The following DLGAP1 variants were observed in gnomAD, a reference collection of about 807,000 sequenced individuals.
DLGAP1 encodes DLG associated protein 1.
Under a neutral mutation model 90.8 loss-of-function variants are expected in DLGAP1, and 11 were observed. The observed-to-expected ratio is 0.12, with a 90% CI of 0.08 to 0.20. The LOEUF is 0.20. Among genes scored for constraint, DLGAP1 ranks in the 10% least tolerant of loss-of-function variants. The pLI, the probability that DLGAP1 is intolerant of heterozygous loss-of-function variation, is 1.00. For synonymous variants in DLGAP1, 558 were observed against 540.7 expected (o/e 1.03, Z -0.44); for missense variants, 1,050 against 1,333.8 (o/e 0.79, Z 3.31).
rs71358031 is a variant in DLGAP1 at position 3,912,033 on chromosome 18, C to A, written c.-72-31893G>T. Among the ~76,000 whole-genome samples, 1,420 of 152,280 alleles carry A rather than the reference C, an allele frequency of 9.3e-3. 8 individuals carry two copies. Among genetic ancestry groups the A allele is most frequent in the Non-Finnish European group, 0.015 (1,054 of 68,026 alleles). ...ATTGTGTTTTAGTAAGCGCTTCAGGCTGATATGTGCTGAAGTTTTGAAACT... is the reference window on the plus strand; with the variant it reads ...ATTGTGTTTTAGTAAGCGCTTCAGGATGATATGTGCTGAAGTTTTGAAACT... On this transcript the variant is annotated intron_variant, in intron 3 of 12. Transcript: ENST00000315677.
At chr18:4,370,152 A>C (rs547947657) in intron 1 of DLGAP1, among the ~76,000 whole-genome samples, 1 of 152,334 alleles carries the variant, frequency 6.6e-6, no homozygotes, top group East Asian at 1.9e-4. Context: ...CAAAAAATTC[A>C]GGTCCTGCTG....
chr18:3,904,982 AT>A (rs958711550), intron 3 of DLGAP1, among the ~76,000 whole-genome samples: 10 of 147,882 alleles, frequency 6.8e-5, no homozygotes, highest in Admixed American at 1.3e-4. Flanking sequence ...CCTATTATTC[AT>A]TATTATTATT....
chr18:3,614,916 T>C (rs2057790182), intron 7 of DLGAP1, among the ~76,000 whole-genome samples: 1 of 151,902 alleles, frequency 6.6e-6, no homozygotes, highest in East Asian at 1.9e-4. Context: ...AATTTATTTT[T>C]ATTTTATTTA....
intron 1 of DLGAP1, among the ~76,000 whole-genome samples, chr18:4,253,874 A>G (rs2078832188): frequency 6.6e-6 from 1 of 152,172 alleles, no homozygotes; most frequent in South Asian, 2.1e-4. Context: ...AATTCCAGTG[A>G]TTCCCTGATT....
At chr18:4,220,899 A>G (rs150945592) in intron 1 of DLGAP1, among the ~76,000 whole-genome samples, 30 of 152,222 alleles carry the variant, frequency 2.0e-4, no homozygotes, top group African/African-American at 7.2e-4. Context: ...GTCTTATAAG[A>G]TTATAATATC....
intron 1 of DLGAP1, among the ~76,000 whole-genome samples, chr18:4,324,894 C>T (rs1298083829): frequency 6.6e-6 from 1 of 152,116 alleles, no homozygotes; most frequent in African/African-American, 2.4e-5. Context: ...CTATAACAAA[C>T]CCACAGACAA....
chr18:4,080,850 C>G (rs1453705271), intron 2 of DLGAP1, among the ~76,000 whole-genome samples: 1 of 151,840 alleles, frequency 6.6e-6, no homozygotes, highest in Non-Finnish European at 1.5e-5. Flanking sequence ...ATTCATCACC[C>G]TGTTGTTCTC....
At chr18:3,763,276 A>T (rs1448232540) in intron 5 of DLGAP1, among the ~76,000 whole-genome samples, 7 of 152,150 alleles carry the variant, frequency 4.6e-5, no homozygotes, top group Non-Finnish European at 1.0e-4. Context: ...CTACCCTTGA[A>T]CATCGGCCTC....
chr18:4,387,937 A>T (rs1308159763), intron 1 of DLGAP1, among the ~76,000 whole-genome samples: 1 of 124,964 alleles, frequency 8.0e-6, no homozygotes, highest in Non-Finnish European at 1.7e-5. Context: ...ACATACACAC[A>T]CACACACACA....
At chr18:4,329,456 TTTTG>T (rs1467222502) in intron 1 of DLGAP1, among the ~76,000 whole-genome samples, 1 of 151,952 alleles carries the variant, frequency 6.6e-6, no homozygotes, top group Non-Finnish European at 1.5e-5. Flanking sequence ...CTGTTTAAAA[TTTTG>T]TTTAATTACT....
chr18:3,821,012 C>A (rs2148481914), intron 4 of DLGAP1, among the ~76,000 whole-genome samples: 1 of 152,282 alleles, frequency 6.6e-6, no homozygotes, highest in South Asian at 2.1e-4. Flanking sequence ...AGGTAAAATG[C>A]AATGGCTCAT....
At chr18:3,880,499 C>T (rs1402516237) in intron 3 of DLGAP1, among the ~76,000 whole-genome samples, 2 of 151,898 alleles carry the variant, frequency 1.3e-5, no homozygotes, top group African/African-American at 4.8e-5. Context: ...CTTGAGGGTG[C>T]CATCTGCGAC....
chr18:3,958,151 T>G (rs894021321), intron 3 of DLGAP1, among the ~76,000 whole-genome samples: 1 of 152,098 alleles, frequency 6.6e-6, no homozygotes, highest in African/African-American at 2.4e-5. Flanking sequence ...TGGGCAGATC[T>G]GCCCGCCTCG....
At chr18:3,670,572 C>T (rs1268380413) in intron 7 of DLGAP1, among the ~76,000 whole-genome samples, 2 of 151,972 alleles carry the variant, frequency 1.3e-5, no homozygotes, top group Non-Finnish European at 2.9e-5. Flanking sequence ...TTTTCATTTT[C>T]ATTTGGCAAA....
At chr18:3,758,040 G>T (rs1341396099) in intron 5 of DLGAP1, among the ~76,000 whole-genome samples, 1 of 151,592 alleles carries the variant, frequency 6.6e-6, no homozygotes, top group Non-Finnish European at 1.5e-5. Flanking sequence ...GCTTGAACTG[G>T]GGAGGCGGAG....
chr18:4,446,193 T>A (rs2083662718), intron 1 of DLGAP1, among the ~76,000 whole-genome samples: 1 of 152,128 alleles, frequency 6.6e-6, no homozygotes, highest in Non-Finnish European at 1.5e-5. Flanking sequence ...CTCGTCCCAC[T>A]GACACATCTG....
At chr18:4,313,410 C>T (rs2080450948) in intron 1 of DLGAP1, among the ~76,000 whole-genome samples, 1 of 152,054 alleles carries the variant, frequency 6.6e-6, no homozygotes. Flanking sequence ...GAAAGAGATG[C>T]AGTTAGCCAT....
intron 3 of DLGAP1, among the ~76,000 whole-genome samples, chr18:3,960,743 C>T (rs907753681): frequency 6.6e-6 from 1 of 152,220 alleles, no homozygotes; most frequent in Non-Finnish European, 1.5e-5. Flanking sequence ...CTGTGAGGTT[C>T]AGTCCTCGGC....
rs116419068 is a variant in DLGAP1, at chr18:4,137,785, T to C, written c.-159+13395A>G. On this transcript the variant is annotated intron_variant, in intron 2 of 12. Coordinates refer to ENST00000315677, the MANE Select transcript of DLGAP1 (RefSeq NM_004746.4). ...CATGGAATATTCTTGCATTGTTTTG[T>C]ATTCTCCTAAATTCTTTCATCAGTG... is the stretch of plus-strand genomic sequence containing the variant. Among the ~76,000 whole-genome samples the C allele has an allele frequency of 3.3e-3, 503 of 152,258 alleles. 2 individuals are homozygous for C. Among genetic ancestry groups the C allele is most frequent in the African/African-American group, 0.012 (482 of 41,580 alleles).
Sources: gnomAD v4.1 joint callset for allele counts (sites outside exome capture counted in the v4.1 genomes callset) on GRCh38, gnomAD v4.1.1 for gene constraint, MANE v1.5 for transcripts, NCBI Gene and HGNC (gene_info 2026-07-23, HGNC 2026-07-21) for gene names.